Variants in GABRR1 observed in about 807,000 individuals in gnomAD.
GABRR1 encodes gamma-aminobutyric acid receptor subunit rho-1.
Under a neutral mutation model 55.5 loss-of-function variants are expected in GABRR1, and 59 were observed. That is an observed-to-expected ratio of 1.06 (90% CI 0.86 to 1.32). The LOEUF (loss-of-function observed/expected upper bound fraction) is 1.32, where lower values mean the gene tolerates loss of function less well. Among genes scored for constraint, GABRR1 ranks in the 40% most tolerant of loss-of-function variants. The pLI, the probability that GABRR1 is intolerant of heterozygous loss-of-function variation, is 0.00. For missense variants in GABRR1, 602 were observed against 619.1 expected (o/e 0.97, Z 0.29); for synonymous variants, 213 against 226.0 (o/e 0.94, Z 0.51).
chr6:89,178,821 A>C lies in GABRR1; in HGVS notation c.1389T>G (p.Phe463Leu). ...HAIDKYSRIIFPAAYILFNLI... is the reference protein window; with the variant it reads ...HAIDKYSRIILPAAYILFNLI... ...AATTGAATAAAATGTATGCTGCTGG[A>C]AAGATGATCCTGGAGTATTTATCAA... Residue 463 changes from phenylalanine to leucine, a missense_variant, in exon 10 of 10, where the codon TTT becomes TTG. This residue lies in a region of GABRR1 where 139 missense variants were observed against 141.1 expected (regional missense o/e 0.99). Coordinates refer to ENST00000454853, the MANE Select transcript of GABRR1 (RefSeq NM_002042.5). 6.2e-7 allele frequency: 1 copy of C among 1,614,174 alleles called. No homozygotes were observed. The highest frequency in any genetic ancestry group is 8.5e-7 in the Non-Finnish European group (1 of 1,179,992).
chr6:89,224,607 C>A (rs1026255716), intron 1 of GABRR1, among the ~76,000 whole-genome samples: 1 of 152,158 alleles, frequency 6.6e-6, no homozygotes, highest in Non-Finnish European at 1.5e-5. Flanking sequence ...AAGATTTTCT[C>A]CCACTCTGTG....
chr6:89,192,947 A>G lies in GABRR1; in HGVS notation c.573-2700T>C, dbSNP rs549516988. Among the ~76,000 whole-genome samples the G allele has an allele frequency of 1.2e-4, 18 of 152,334 alleles. No homozygotes were observed. The South Asian group carries it at 3.7e-3, about 32-fold the overall frequency. On this transcript the variant is annotated intron_variant, in intron 5 of 9. Transcript: ENST00000454853. ...AATATTACCTTAGTAAAATCTACCA[A>G]GCATAATAGAGTATCTCACTTGTGG...
At chr6:89,196,075 G>C (rs1237706840) in intron 5 of GABRR1, among the ~76,000 whole-genome samples, 2 of 152,194 alleles carry the variant, frequency 1.3e-5, no homozygotes, top group African/African-American at 4.8e-5. Context: ...TTATGTCTTT[G>C]ATGAATGAGT....
chr6:89,196,277 CGTCCTTTAT>C (rs771031018), intron 5 of GABRR1, among the ~76,000 whole-genome samples: 11 of 151,836 alleles, frequency 7.2e-5, no homozygotes, highest in Non-Finnish European at 1.5e-4. Context: ...GAGCATTATA[CGTCCTTTAT>C]GTCAGTGATG....
In GABRR1 at chr6:89,199,959, T is replaced by C. The variant is rs796696289; in HGVS notation, c.281-530A>G. ...TGTTTTAAGGATGGCCTTAAAACAT[T>C]AGATTTTTTGTTATTTCTGGGCCAT... On this transcript the variant is annotated intron_variant, in intron 3 of 9. Coordinates refer to ENST00000454853, the MANE Select transcript of GABRR1 (RefSeq NM_002042.5). Among the ~76,000 whole-genome samples, 9 of 152,266 alleles carry C rather than the reference T, an allele frequency of 5.9e-5. 1 individual carries two copies. Among genetic ancestry groups the C allele is most frequent in the African/African-American group, 2.2e-4 (9 of 41,540 alleles).
At chr6:89,216,551 G>A (rs1259181559) in intron 1 of GABRR1, among the ~76,000 whole-genome samples, 3 of 152,128 alleles carry the variant, frequency 2.0e-5, no homozygotes, top group South Asian at 4.2e-4. Flanking sequence ...AGGTGAGGCC[G>A]AGTGCTAAGG....
At chr6:89,192,760 C>T (rs1772143447) in intron 5 of GABRR1, among the ~76,000 whole-genome samples, 2 of 151,976 alleles carry the variant, frequency 1.3e-5, no homozygotes, top group South Asian at 4.2e-4. Flanking sequence ...GGCGTTTTGC[C>T]ATATTGGCCA....
intron 5 of GABRR1, among the ~76,000 whole-genome samples, chr6:89,193,894 C>T (rs1772180218): frequency 6.6e-6 from 1 of 152,102 alleles, no homozygotes; most frequent in African/African-American, 2.4e-5. Context: ...TGGACTTACA[C>T]ATCCCCGATG....
intron 7 of GABRR1, 61 bp downstream of exon 7, chr6:89,185,249 G>A (rs407206): frequency 0.3 from 484,040 of 1,599,704 alleles, 76,982 homozygotes; most frequent in Middle Eastern, 0.36. Context: ...TATAATAGAG[G>A]GTGAACCTTG....
intron 6 of GABRR1, among the ~76,000 whole-genome samples, chr6:89,189,626 C>A: frequency 7.0e-6 from 1 of 143,830 alleles, no homozygotes; most frequent in African/African-American, 2.6e-5. Context: ...CTAACCTGCA[C>A]AATGTGCACA....
At chr6:89,224,617 G>C (rs1218394480) in intron 1 of GABRR1, among the ~76,000 whole-genome samples, 1 of 152,114 alleles carries the variant, frequency 6.6e-6, no homozygotes, top group African/African-American at 2.4e-5. Context: ...CCCACTCTGT[G>C]GGTTGTCTGT....
chr6:89,200,553 T>A (rs1288312284), intron 3 of GABRR1, among the ~76,000 whole-genome samples: 1 of 151,092 alleles, frequency 6.6e-6, no homozygotes, highest in Non-Finnish European at 1.5e-5. Context: ...TGAGCCACCA[T>A]GCCCGGCCGA....
At chr6:89,186,057 G>A (rs1399842987) in intron 6 of GABRR1, among the ~76,000 whole-genome samples, 2 of 152,148 alleles carry the variant, frequency 1.3e-5, no homozygotes, top group African/African-American at 2.4e-5. Context: ...TCCCTCACCT[G>A]CTTCTGGTGA....
chr6:89,207,536 A>T (rs1246385306), intron 1 of GABRR1, among the ~76,000 whole-genome samples: 1 of 152,194 alleles, frequency 6.6e-6, no homozygotes, highest in Non-Finnish European at 1.5e-5. Context: ...TAAGGCTGAG[A>T]TTCTGCTAAC....
chr6:89,185,748 A>G (rs1771883193), intron 6 of GABRR1, among the ~76,000 whole-genome samples: 1 of 152,220 alleles, frequency 6.6e-6, no homozygotes, highest in Admixed American at 6.5e-5. Flanking sequence ...ATCAAATGGA[A>G]TTCTATTTTT....
chr6:89,214,719 C>T (rs760025486), intron 1 of GABRR1, among the ~76,000 whole-genome samples: 7 of 152,130 alleles, frequency 4.6e-5, no homozygotes, highest in African/African-American at 1.4e-4. Flanking sequence ...TCACACCAGT[C>T]GGAATGGCTA....
intron 7 of GABRR1, 40 bp from the exon 8 acceptor site, chr6:89,182,097 T>C: frequency 2.5e-6 from 4 of 1,604,104 alleles, no homozygotes; most frequent in Non-Finnish European, 3.4e-6. Flanking sequence ...ACATCATGGC[T>C]CCTTCATAAA....
intron 1 of GABRR1, among the ~76,000 whole-genome samples, chr6:89,206,394 G>T (rs149914943): frequency 6.6e-6 from 1 of 152,012 alleles, no homozygotes; most frequent in African/African-American, 2.4e-5. Flanking sequence ...CTTTGCTCCC[G>T]ATGTCCCAAC....
intron 1 of GABRR1, among the ~76,000 whole-genome samples, chr6:89,229,229 G>T (rs951003383): frequency 6.6e-6 from 1 of 151,894 alleles, no homozygotes; most frequent in Non-Finnish European, 1.5e-5. Context: ...TTGCCAGTCT[G>T]TGTCTTTTAA....
Sources: gnomAD v4.1 joint callset for allele counts (sites outside exome capture counted in the v4.1 genomes callset) on GRCh38, gnomAD v4.1.1 for gene constraint, gnomAD v4.1.1 regional missense constraint, MANE v1.5 for transcripts, NCBI Gene and HGNC (gene_info 2026-07-23, HGNC 2026-07-21) for gene names.